The following RNF44 variants were observed in gnomAD, a reference collection of about 807,000 sequenced individuals.
The protein encoded by RNF44 is ring finger protein 44.
A neutral mutation model predicts 53.6 loss-of-function variants in RNF44; 25 were observed. The ratio of observed to expected loss-of-function variants is 0.47; its 90% CI spans 0.34 to 0.65. The LOEUF (loss-of-function observed/expected upper bound fraction) is 0.65. Ranked by LOEUF, RNF44 falls within the 30% of genes least tolerant of loss-of-function variation. The probability of loss-of-function intolerance (pLI) is 0.01; values close to 1 mark genes in which losing one functional copy is unlikely to be tolerated. For synonymous variants in RNF44, 282 were observed against 252.2 expected (o/e 1.12, Z -1.12); for missense variants, 581 against 595.5 (o/e 0.98, Z 0.25).
Position 176,531,486 on chromosome 5 carries a change from G to A in RNF44, c.442C>T (p.Pro148Ser), listed in dbSNP as rs1165747278. The change falls in exon 4 of 11, where the codon CCC (proline) becomes TCC (serine). Residue 148 changes from proline to serine, a missense_variant. Coordinates refer to ENST00000274811, the MANE Select transcript of RNF44 (RefSeq NM_014901.5). This position sits in a 1 kb window ranked among gnomAD's most constrained non-coding sequence, Gnocchi z 4.2. ...ACCGGGGGCGGGAGGCAGCAGAGGG[G>A]GTAATGCTGCCCACTGAACATCACG... is the stretch of plus-strand genomic sequence containing the variant. Reference protein sequence around the residue: ...CSVMFSGQHYPLCCLPPPLIQ... With the variant: ...CSVMFSGQHYSLCCLPPPLIQ... The A allele has an allele frequency of 3.8e-6, 6 of 1,577,252 alleles. No individual in the cohort carries two copies. The highest frequency in any genetic ancestry group is 3.5e-5 in the South Asian group (3 of 86,680).
At position 176,535,077 on chromosome 5, in the gene RNF44, A is replaced by G. The variant is rs79615289; in HGVS notation, c.-45+1863T>C. Among the ~76,000 whole-genome samples, 448 of 152,356 alleles carry G rather than the reference A, an allele frequency of 2.9e-3. 17 individuals carry two copies. In the East Asian group the frequency reaches 0.066, roughly 23 times the overall value. ...GAGCTGTGAAAGCAAGCCAGGAGAC[A>G]GAAGGGCCTCCAGCCGTGGGTAAGA... On this transcript the variant is annotated intron_variant, in intron 1 of 10. Transcript: ENST00000274811.
chr5:176,532,626 C>T, intron 1 of RNF44, 110 bp from the exon 2 acceptor site: 1 of 928,600 alleles, frequency 1.1e-6, no homozygotes, highest in Non-Finnish European at 1.5e-6. Context: ...ACCTGTAATC[C>T]CAGCTACTTG....
Position 176,530,921 on chromosome 5 carries a change from G to GGGGGGGGGGGGGGGCGGGGGGC in RNF44, c.565_566insGCCCCCCGCCCCCCCCCCCCCC (p.Ala189GlyfsTer150). On this transcript the variant is annotated frameshift_variant, in exon 5 of 11. Coordinates refer to ENST00000274811, the MANE Select transcript of RNF44 (RefSeq NM_014901.5). LOFTEE classifies it high-confidence loss of function. ...CATGTGGGTGGGCTGGGGGGGTGGG[G>GGGGGGGGGGGGGGGCGGGGGGC]CCGGTGGTGGGGGGTGCAGGATGTA... 1 of 778,462 alleles carries GGGGGGGGGGGGGGGCGGGGGGC rather than the reference G, an allele frequency of 1.3e-6. No individual in the cohort carries two copies. The highest frequency in any genetic ancestry group is 1.9e-6 in the Non-Finnish European group (1 of 514,212). The allele number at this position is 778,462 out of a possible 1,614,324, so 48.2% of individuals were successfully genotyped here.
chr5:176,529,263 C>G, intron 10 of RNF44, 25 bp downstream of exon 10: 1 of 1,604,368 alleles, frequency 6.2e-7, no homozygotes, highest in South Asian at 1.1e-5. Context: ...GAGGAATACC[C>G]AGGAGCAGAC....
Position 176,530,917 on chromosome 5 carries a change from T to TGGTGGGGGGGGGGGGGGGGGGG in RNF44, c.569_570insCCCCCCCCCCCCCCCCCCCACC (p.Gln193ProfsTer146). 8.6e-6 allele frequency: 2 copies of TGGTGGGGGGGGGGGGGGGGGGG among 232,852 alleles called. No homozygotes were observed. Among genetic ancestry groups the TGGTGGGGGGGGGGGGGGGGGGG allele is most frequent in the Non-Finnish European group, 1.4e-5 (2 of 143,576 alleles). 14.4% of individuals were successfully genotyped at this position (232,852 alleles called of 1,614,324 possible). A position where few individuals can be genotyped will look rare whatever the true frequency, so the allele number is the denominator to read the frequency against. ...GCGCCATGTGGGTGGGCTGGGGGGG[T>TGGTGGGGGGGGGGGGGGGGGGG]GGGGCCGGTGGTGGGGGGTGCAGGA... On this transcript the variant is annotated frameshift_variant, in exon 5 of 11. Transcript: ENST00000274811. LOFTEE classifies it high-confidence loss of function.
At position 176,532,102 on chromosome 5, in the gene RNF44, C is replaced by CG; in HGVS notation, c.198dup (p.Val67ArgfsTer29). 6.3e-7 allele frequency: 1 copy of CG among 1,597,112 alleles called. No individual in the cohort carries two copies. Among genetic ancestry groups the CG allele is most frequent in the African/African-American group, 1.3e-5 (1 of 74,326 alleles). The stretch of plus-strand genomic sequence containing the variant: ...GGAGCCGAGGCTCGGCGCTCCTCTA[C>CG]GGGGAGGTGTGGAGGTCGGGACGGC... On this transcript the variant is annotated frameshift_variant, in exon 3 of 11. Coordinates refer to ENST00000274811, the MANE Select transcript of RNF44 (RefSeq NM_014901.5). LOFTEE classifies it high-confidence loss of function.
Position 176,531,031 on chromosome 5 carries a change from G to C in RNF44, c.466-10C>G. Reference sequence around the variant, plus strand: ...TGCACGCCTGGATAAGCTGCCAAGAGAGGGGGCAGGGGGCTGAGAACGTTC... The same window carrying C: ...TGCACGCCTGGATAAGCTGCCAAGACAGGGGGCAGGGGGCTGAGAACGTTC... On this transcript the variant is annotated splice_polypyrimidine_tract_variant and intron_variant, in intron 4 of 10. Transcript: ENST00000274811. This position sits in a 1 kb window ranked among gnomAD's most constrained non-coding sequence, Gnocchi z 4.2. The C allele has an allele frequency of 5.6e-6, 8 of 1,439,492 alleles. No individual in the cohort carries two copies. The South Asian group carries it at 1.4e-4, about 24-fold the overall frequency. 89.2% of individuals were successfully genotyped at this position (1,439,492 alleles called of 1,614,324 possible).
upstream of RNF44, among the ~76,000 whole-genome samples, chr5:176,538,735 T>C (rs1757371852): frequency 6.6e-6 from 1 of 152,210 alleles, no homozygotes; most frequent in Non-Finnish European, 1.5e-5. Flanking sequence ...GCTGCTTTGG[T>C]ATATTTCGTA....
In RNF44 at chr5:176,532,518, TAGGAGGCA is replaced by T; in HGVS notation, c.-44-10_-44-3del. On this transcript the variant is annotated splice_polypyrimidine_tract_variant and splice_region_variant and intron_variant, in intron 1 of 10. Transcript: ENST00000274811. ...GGGGCTGGGCCGGGACTCACAACCC[TAGGAGGCA>T]AGGAGACAAGAAGACTGAGGCACCT... is the stretch of plus-strand genomic sequence containing the variant. 1 of 1,502,420 alleles carries T rather than the reference TAGGAGGCA, an allele frequency of 6.7e-7. No homozygotes were observed. 93.1% of individuals were successfully genotyped at this position (1,502,420 alleles called of 1,614,324 possible). A position where few individuals can be genotyped will look rare whatever the true frequency, so the allele number is the denominator to read the frequency against.
chr5:176,529,910 C>T (rs566410997), intron 7 of RNF44, 92 bp from the exon 8 acceptor site: 1 of 1,402,846 alleles, frequency 7.1e-7, no homozygotes, highest in South Asian at 1.5e-5. Flanking sequence ...AAACAGAGCC[C>T]AGAACGTTGC....
Position 176,531,463 on chromosome 5 carries a change from CGGGGGCGGGAGGCAGCAGA to C in RNF44, c.446_464del (p.Leu149ArgfsTer118). ...GGAGGAGCTAGAAACACTCACTCAC[CGGGGGCGGGAGGCAGCAGA>C]GGGGGTAATGCTGCCCACTGAACAT... On this transcript the variant is annotated frameshift_variant and splice_region_variant, in exon 4 of 11. Transcript: ENST00000274811. LOFTEE classifies it high-confidence loss of function. This position sits in a 1 kb window ranked among gnomAD's most constrained non-coding sequence, Gnocchi z 4.2. The C allele has an allele frequency of 6.4e-7, 1 of 1,554,418 alleles. No homozygotes were observed.
Position 176,530,964 on chromosome 5 carries a change from G to C in RNF44, c.523C>G (p.Leu175Val). ...AGGATGTAGTGGTCACTGGAGATGAGGTGGGGGTAGGCCTGATAGGGCACA... is the reference window on the plus strand; with the variant it reads ...AGGATGTAGTGGTCACTGGAGATGACGTGGGGGTAGGCCTGATAGGGCACA... The part of the protein sequence containing the change: ...LPVPYQAYPH[L>V]ISSDHYILHP... Residue 175 changes from leucine to valine, a missense_variant, in exon 5 of 11, where the codon CTC becomes GTC. By Grantham distance (32) the Leu-to-Val change is conservative. This residue lies in a region of RNF44 where 387 missense variants were observed against 366.0 expected (regional missense o/e 1.06). Coordinates refer to ENST00000274811, the MANE Select transcript of RNF44 (RefSeq NM_014901.5). The C allele has an allele frequency of 6.9e-7, 1 of 1,459,516 alleles. No homozygotes were observed. The allele number at this position is 1,459,516 out of a possible 1,614,324, so 90.4% of individuals were successfully genotyped here. A position where few individuals can be genotyped will look rare whatever the true frequency, so the allele number is the denominator to read the frequency against.
chr5:176,543,403 C>T, the RNF44 span: 3 of 150,878 alleles, frequency 2.0e-5, no homozygotes, highest in Admixed American at 1.3e-4. The surrounding 1 kb of genome is among the most constrained non-coding windows in gnomAD (Gnocchi z 4.0). Flanking sequence ...GTCCGCGGAC[C>T]TCACCACCCG....
chr5:176,536,684 G>A (rs1024016611), intron 1 of RNF44, among the ~76,000 whole-genome samples: 1 of 152,132 alleles, frequency 6.6e-6, no homozygotes, highest in Admixed American at 6.5e-5. Context: ...CAAAGGAAGT[G>A]GCGGCCGCAG....
rs144171843 is a variant in RNF44, at chr5:176,531,391, G to C, written c.465+72C>G. The C allele has an allele frequency of 3.9e-5, 56 of 1,454,340 alleles. No homozygotes were observed. The highest frequency in any genetic ancestry group is 2.4e-4 in the Middle Eastern group (1 of 4,236). The allele number at this position is 1,454,340 out of a possible 1,614,324, so 90.1% of individuals were successfully genotyped here. On this transcript the variant is annotated intron_variant, in intron 4 of 10. Coordinates refer to ENST00000274811, the MANE Select transcript of RNF44 (RefSeq NM_014901.5). This position sits in a 1 kb window ranked among gnomAD's most constrained non-coding sequence, Gnocchi z 4.2. ...GCTCAGCCCAGTTCAGGGCTGCCCT[G>C]GGCCCGCTGAGCCGCTGGCCTGTGC...
chr5:176,540,488 A>G (rs1048653583), upstream of RNF44, among the ~76,000 whole-genome samples: 3 of 152,232 alleles, frequency 2.0e-5, no homozygotes, highest in Non-Finnish European at 2.9e-5. Context: ...TAGCTCAAAG[A>G]CCACTCCCTT....
upstream of RNF44, among the ~76,000 whole-genome samples, chr5:176,541,654 A>C (rs1757450526): frequency 6.6e-6 from 1 of 152,118 alleles, no homozygotes; most frequent in African/African-American, 2.4e-5. Context: ...GGGCGTGGCC[A>C]TGTTTCCTGC....
intron 2 of RNF44, 21 bp from the exon 3 acceptor site, chr5:176,532,214 C>A: frequency 3.3e-6 from 5 of 1,493,214 alleles, no homozygotes; most frequent in Non-Finnish European, 4.5e-6. Context: ...GAGAGGAGGC[C>A]CCGATAGGAC....
In RNF44 at chr5:176,527,428, T is replaced by G. The variant is rs1316061860; in HGVS notation, c.*1600A>C. On this transcript the variant is annotated 3_prime_UTR_variant, in exon 11 of 11. Coordinates refer to ENST00000274811, the MANE Select transcript of RNF44 (RefSeq NM_014901.5). ...GAACTGTAAGGGGTTTGAAAACGTT[T>G]TGTTGGGGTCGGGAAGGGAGGGGTT... The G allele has an allele frequency of 1.3e-5, 2 of 152,576 alleles. No homozygotes were observed. The highest frequency in any genetic ancestry group is 1.3e-4 in the Admixed American group (2 of 15,274). 9.5% of individuals were successfully genotyped at this position (152,576 alleles called of 1,614,324 possible). A position where few individuals can be genotyped will look rare whatever the true frequency, so the allele number is the denominator to read the frequency against.
Sources: allele counts gnomAD v4.1 joint callset (sites outside exome capture counted in the v4.1 genomes callset), GRCh38; gene constraint gnomAD v4.1.1; regional missense constraint gnomAD v4.1.1; non-coding constraint Gnocchi (gnomAD v3.1); transcripts MANE v1.5; gene names NCBI Gene and HGNC (gene_info 2026-07-23, HGNC 2026-07-21).